Variants in SMAP2 observed in about 807,000 individuals in gnomAD.
SMAP2 encodes stromal membrane-associated protein 2.
SMAP2 carries 25 observed loss-of-function variants against 56.4 expected under a neutral mutation model. That is an observed-to-expected ratio of 0.44 (90% CI 0.32 to 0.62). SMAP2 has a LOEUF of 0.62. SMAP2 is among the 20% of genes least tolerant of loss of function. The pLI, the probability that SMAP2 is intolerant of heterozygous loss-of-function variation, is 0.04. For missense variants in SMAP2, 388 were observed against 545.6 expected (o/e 0.71, Z 2.88); for synonymous variants, 157 against 181.7 (o/e 0.86, Z 1.09).
chr1:40,345,935 A>ATTATATTATATT (rs1553187233), intron 1 of SMAP2, among the ~76,000 whole-genome samples: 2 of 143,436 alleles, frequency 1.4e-5, no homozygotes, highest in African/African-American at 2.5e-5. Context: ...ATTATATTAG[A>ATTATATTATATT]AAGTAGTCTT....
chr1:40,347,068 C>T (rs911799474), intron 1 of SMAP2, among the ~76,000 whole-genome samples: 48 of 141,616 alleles, frequency 3.4e-4, no homozygotes, highest in African/African-American at 1.4e-3. Flanking sequence ...TTTTGAGACA[C>T]GGTCTCACTC....
intron 1 of SMAP2, among the ~76,000 whole-genome samples, chr1:40,381,142 A>G (rs530714872): frequency 1.3e-5 from 2 of 152,330 alleles, no homozygotes; most frequent in African/African-American, 4.8e-5. Context: ...TAGAAAATGT[A>G]TATCTTTTAG....
intron 1 of SMAP2, among the ~76,000 whole-genome samples, chr1:40,376,071 C>G (rs1644538732): frequency 6.6e-6 from 1 of 152,316 alleles, no homozygotes; most frequent in Middle Eastern, 3.4e-3. Flanking sequence ...CTGCCTCAGC[C>G]TCCCGAGTAC....
At chr1:40,347,239 T>TGTG (rs1644390325) in intron 1 of SMAP2, among the ~76,000 whole-genome samples, 2 of 70,002 alleles carry the variant, frequency 2.9e-5, no homozygotes, top group African/African-American at 1.7e-4. Flanking sequence ...TGTGTGTGTG[T>TGTG]GTTTTGTTTT....
At chr1:40,365,057 A>G in intron 2 of SMAP2, 1 of 224,330 alleles carries the variant, frequency 4.5e-6, no homozygotes. Flanking sequence ...AAGATGACAG[A>G]CGATGAGCTT....
At chr1:40,420,885 C>T (rs1185158439) in intron 9 of SMAP2, among the ~76,000 whole-genome samples, 1 of 152,140 alleles carries the variant, frequency 6.6e-6, no homozygotes. Context: ...TTAAAGGAGA[C>T]TACAGAGATC....
chr1:40,399,200 A>C (rs915650620), intron 1 of SMAP2, among the ~76,000 whole-genome samples: 17 of 151,564 alleles, frequency 1.1e-4, no homozygotes, highest in African/African-American at 4.1e-4. Flanking sequence ...GCTGGAGTGC[A>C]GTGGTGGGAT....
chr1:40,351,838 A>G (rs1431840172), intron 1 of SMAP2, among the ~76,000 whole-genome samples: 2 of 151,726 alleles, frequency 1.3e-5, no homozygotes, highest in Non-Finnish European at 2.9e-5. Flanking sequence ...TGGCTTTACC[A>G]TGTTGGCCAG....
At chr1:40,362,772 G>A (rs80053778) in intron 2 of SMAP2, among the ~76,000 whole-genome samples, 4,893 of 152,064 alleles carry the variant, frequency 0.032, 110 homozygotes, top group Non-Finnish European at 0.048. Flanking sequence ...TCTGTCCCTC[G>A]TAAGCACCAA....
intron 9 of SMAP2, among the ~76,000 whole-genome samples, chr1:40,417,556 A>AC (rs1254619291): frequency 2.0e-5 from 3 of 151,900 alleles, no homozygotes; most frequent in African/African-American, 7.3e-5. Context: ...AGATAAAGTA[A>AC]CCCCCCAGAA....
chr1:40,347,245 G>GT (rs1264286252), intron 1 of SMAP2, among the ~76,000 whole-genome samples: 1 of 47,374 alleles, frequency 2.1e-5, no homozygotes, highest in African/African-American at 5.7e-5. Context: ...TGTGTGTTTT[G>GT]TTTTTGTTTT....
chr1:40,351,833 T>A (rs375439299), intron 1 of SMAP2, among the ~76,000 whole-genome samples: 10 of 151,926 alleles, frequency 6.6e-5, no homozygotes, highest in African/African-American at 1.7e-4. Flanking sequence ...AGACATGGCT[T>A]TACCATGTTG....
chr1:40,391,709 A>G (rs1220994007), intron 1 of SMAP2, among the ~76,000 whole-genome samples: 1 of 152,080 alleles, frequency 6.6e-6, no homozygotes, highest in Non-Finnish European at 1.5e-5. Context: ...TGACCATATC[A>G]CCCTTTTTAG....
At chr1:40,366,045 C>T (rs1181367780) in intron 2 of SMAP2, among the ~76,000 whole-genome samples, 1 of 147,604 alleles carries the variant, frequency 6.8e-6, no homozygotes, top group Non-Finnish European at 1.5e-5. Context: ...TCGAGAACTA[C>T]GTGAAGAATG....
chr1:40,385,163 C>T lies in SMAP2; in HGVS notation c.103+10940C>T, dbSNP rs1487832543. On this transcript the variant is annotated intron_variant, in intron 1 of 9. Transcript: ENST00000372718. The surrounding 1 kb of genome is among the most constrained non-coding windows in gnomAD (Gnocchi z 4.5). Reference sequence around the variant, plus strand: ...GCTCTTCCCCTTATCCCCCATCCTCCCTCATGTGTGGCTGAAGCTTGCCCT... The same window carrying T: ...GCTCTTCCCCTTATCCCCCATCCTCTCTCATGTGTGGCTGAAGCTTGCCCT... Among the ~76,000 whole-genome samples, 1 of 152,184 alleles carries T rather than the reference C, an allele frequency of 6.6e-6. No individual in the cohort carries two copies. The highest frequency in any genetic ancestry group is 1.5e-5 in the Non-Finnish European group (1 of 68,040).
intron 1 of SMAP2, chr1:40,397,040 A>G (rs1174159740): frequency 5.1e-6 from 1 of 195,352 alleles, no homozygotes; most frequent in South Asian, 1.8e-4. Context: ...TTTTCCTTAT[A>G]TGTATGTTGC....
intron 1 of SMAP2, among the ~76,000 whole-genome samples, chr1:40,379,536 G>A (rs1055186448): frequency 6.7e-6 from 1 of 148,260 alleles, no homozygotes; most frequent in African/African-American, 2.5e-5. Context: ...TAAATGATTT[G>A]GAAGACACTG....
In SMAP2 at chr1:40,398,986, T is replaced by C. The variant is rs138109348; in HGVS notation, c.104-7750T>C. 2.2e-3 allele frequency among the ~76,000 whole-genome samples: 333 copies of C among 152,250 alleles called. 2 individuals are homozygous for C. Among genetic ancestry groups the C allele is most frequent in the African/African-American group, 7.8e-3 (326 of 41,536 alleles). ...AATTAGATAGTAACAAAATATGGTA[T>C]GATTTAGAAAAAGTAAAGGGTGGCC... On this transcript the variant is annotated intron_variant, in intron 1 of 9. Coordinates refer to ENST00000372718, the MANE Select transcript of SMAP2 (RefSeq NM_022733.3).
At chr1:40,412,389 A>G (rs1458780181) in intron 4 of SMAP2, among the ~76,000 whole-genome samples, 1 of 152,106 alleles carries the variant, frequency 6.6e-6, no homozygotes, top group Non-Finnish European at 1.5e-5. Flanking sequence ...TGCATTTTAA[A>G]TTGCATTTTT....
Sources: gnomAD v4.1 joint callset for allele counts (sites outside exome capture counted in the v4.1 genomes callset) on GRCh38, gnomAD v4.1.1 for gene constraint, Gnocchi (gnomAD v3.1) non-coding constraint, MANE v1.5 for transcripts, NCBI Gene and HGNC (gene_info 2026-07-23, HGNC 2026-07-21) for gene names.